PROM1: variants seen among roughly 807,000 people sequenced by gnomAD.
The protein encoded by PROM1 is prominin-1.
PROM1 carries 105 observed loss-of-function variants against 116.9 expected under a neutral mutation model. The ratio of observed to expected loss-of-function variants is 0.90; its 90% CI spans 0.77 to 1.06. PROM1 has a LOEUF of 1.06. PROM1 is among the 50% of genes least tolerant of loss of function. The pLI is 0.00. For synonymous variants in PROM1, 393 were observed against 387.0 expected (o/e 1.02, Z -0.18); for missense variants, 1,122 against 1,045.2 (o/e 1.07, Z -1.01).
At chr4:16,078,930 G>C (rs548112129) in intron 1 of PROM1, among the ~76,000 whole-genome samples, 81 of 152,246 alleles carry the variant, frequency 5.3e-4, no homozygotes, top group Admixed American at 1.3e-3. Context: ...ATCATGGGCT[G>C]CTCAGATCCC....
intron 23 of PROM1, among the ~76,000 whole-genome samples, chr4:15,981,559 G>A (rs1259961638): frequency 1.4e-5 from 2 of 148,144 alleles, no homozygotes; most frequent in Non-Finnish European, 3.0e-5. Context: ...GCAACAGAAC[G>A]AGACTCTATC....
In PROM1 at chr4:16,074,718, T is replaced by A. The variant is rs142762206; in HGVS notation, c.220+969A>T. Among the ~76,000 whole-genome samples the A allele has an allele frequency of 2.4e-3, 365 of 152,330 alleles. 5 individuals carry two copies. In the East Asian group the frequency reaches 0.039, roughly 16 times the overall value. On this transcript the variant is annotated intron_variant, in intron 2 of 27. Coordinates refer to ENST00000447510, the MANE Select transcript of PROM1 (RefSeq NM_006017.3). ...AAAAACCAATACAAATGTATTTTAA[T>A]GAAAATATATAAACTCCCCATAATA...
At chr4:16,043,916 G>A (rs987292959) in intron 2 of PROM1, among the ~76,000 whole-genome samples, 3 of 152,182 alleles carry the variant, frequency 2.0e-5, no homozygotes, top group Non-Finnish European at 4.4e-5. Flanking sequence ...ATGAGTTCTG[G>A]AACTCAGGGC....
chr4:16,016,262 T>C (rs139736530), intron 9 of PROM1, 22 bp from the exon 10 acceptor site: 34 of 1,535,936 alleles, frequency 2.2e-5, no homozygotes, highest in Non-Finnish European at 2.7e-5. Context: ...TAAAACAAAA[T>C]ATAAGACAAG....
chr4:15,993,032 C>T (rs1721455591), intron 16 of PROM1, among the ~76,000 whole-genome samples: 1 of 152,192 alleles, frequency 6.6e-6, no homozygotes, highest in African/African-American at 2.4e-5. Flanking sequence ...TGACCCACAG[C>T]ACGACGGGCA....
At chr4:15,996,372 T>G (rs150115115) in intron 15 of PROM1, among the ~76,000 whole-genome samples, 2,808 of 152,190 alleles carry the variant, frequency 0.018, 85 homozygotes, top group African/African-American at 0.064. Context: ...TAGCCAGGCG[T>G]GGTGACAGAC....
chr4:16,012,895 C>A (rs866717084), intron 11 of PROM1, among the ~76,000 whole-genome samples: 3,775 of 130,148 alleles, frequency 0.029, 195 homozygotes, highest in African/African-American at 0.096. Context: ...AAAAAAACAA[C>A]AAACTTTGAT....
At chr4:16,057,098 T>C (rs984181835) in intron 2 of PROM1, among the ~76,000 whole-genome samples, 4 of 152,270 alleles carry the variant, frequency 2.6e-5, no homozygotes, top group Non-Finnish European at 5.9e-5. Context: ...CTCAGTTTTA[T>C]TTCTATGCAC....
intron 12 of PROM1, among the ~76,000 whole-genome samples, chr4:16,007,865 C>T (rs1390145081): frequency 6.6e-6 from 1 of 152,164 alleles, no homozygotes; most frequent in Non-Finnish European, 1.5e-5. Flanking sequence ...ATGGCAGGTG[C>T]TCCCTGGAGC....
Position 16,025,056 on chromosome 4 carries a change from G to A in PROM1, c.630+136C>T, listed in dbSNP as rs892309104. The A allele has an allele frequency of 9.2e-6, 10 of 1,091,998 alleles. No homozygotes were observed. In the African/African-American group the frequency reaches 1.1e-4, roughly 12 times the overall value. The allele number at this position is 1,091,998 out of a possible 1,614,324, so 67.6% of individuals were successfully genotyped here. A position where few individuals can be genotyped will look rare whatever the true frequency, so the allele number is the denominator to read the frequency against. ...TCCAGGGCTTTATTTATTCATCCAG[G>A]ACATTAACAGATAACACCAGTCTAC... is the stretch of plus-strand genomic sequence containing the variant. On this transcript the variant is annotated intron_variant, in intron 6 of 27. Coordinates refer to ENST00000447510, the MANE Select transcript of PROM1 (RefSeq NM_006017.3).
intron 2 of PROM1, among the ~76,000 whole-genome samples, chr4:16,050,210 G>A (rs1013249055): frequency 3.5e-4 from 53 of 151,342 alleles, no homozygotes; most frequent in Admixed American, 6.6e-4. Flanking sequence ...GCAGTGAGCC[G>A]AGATCATGCC....
At chr4:16,045,080 C>A (rs554842972) in intron 2 of PROM1, among the ~76,000 whole-genome samples, 1 of 152,128 alleles carries the variant, frequency 6.6e-6, no homozygotes, top group East Asian at 1.9e-4. Flanking sequence ...GCCTTCAACA[C>A]TCCACTCTTC....
intron 1 of PROM1, chr4:16,080,078 G>GCTACTC (rs1744743287): frequency 6.8e-6 from 1 of 147,904 alleles, no homozygotes; most frequent in Non-Finnish European, 1.5e-5. Flanking sequence ...TGTAGTCCCA[G>GCTACTC]CTACTCGGAA....
intron 2 of PROM1, among the ~76,000 whole-genome samples, chr4:16,049,144 G>A (rs753278214): frequency 6.6e-6 from 1 of 152,196 alleles, no homozygotes; most frequent in Non-Finnish European, 1.5e-5. Flanking sequence ...GGATTCCGAC[G>A]GCATTTCTTT....
At chr4:16,037,294 TG>T (rs2149400456) in intron 3 of PROM1, among the ~76,000 whole-genome samples, 1 of 152,278 alleles carries the variant, frequency 6.6e-6, no homozygotes, top group African/African-American at 2.4e-5. Flanking sequence ...ACAATCACAT[TG>T]GGAGATATAA....
intron 3 of PROM1, among the ~76,000 whole-genome samples, chr4:16,038,505 C>A (rs907488469): frequency 3.9e-5 from 6 of 152,122 alleles, no homozygotes; most frequent in Non-Finnish European, 4.4e-5. Context: ...TGGGTTCAAG[C>A]GATTCTCCTG....
At chr4:16,060,124 G>A (rs561234069) in intron 2 of PROM1, among the ~76,000 whole-genome samples, 1 of 152,250 alleles carries the variant, frequency 6.6e-6, no homozygotes, top group Non-Finnish European at 1.5e-5. Context: ...GAGGCGGGGG[G>A]CTGAGAATCA....
Position 16,075,961 on chromosome 4 carries a change from C to A in PROM1, c.-55G>T. On this transcript the variant is annotated 5_prime_UTR_variant, in exon 2 of 28. Transcript: ENST00000447510. Reference sequence around the variant, plus strand: ...GAACTTGGTGCCTCCTGCCTCAGAGCTTCTGGAAGCCTTGGGGAAGGCAAG... The same window carrying A: ...GAACTTGGTGCCTCCTGCCTCAGAGATTCTGGAAGCCTTGGGGAAGGCAAG... The A allele has an allele frequency of 1.3e-6, 2 of 1,514,148 alleles. No homozygotes were observed. The highest frequency in any genetic ancestry group is 8.9e-7 in the Non-Finnish European group (1 of 1,128,904). 93.8% of individuals were successfully genotyped at this position (1,514,148 alleles called of 1,614,324 possible).
intron 15 of PROM1, among the ~76,000 whole-genome samples, 178 bp from the exon 16 acceptor site, chr4:15,994,249 C>T (rs903400468): frequency 1.9e-4 from 29 of 152,218 alleles, no homozygotes; most frequent in Non-Finnish European, 4.0e-4. Context: ...CTTCTGACTT[C>T]TTGCCTTGCT....
Sources: allele counts gnomAD v4.1 joint callset (sites outside exome capture counted in the v4.1 genomes callset), GRCh38; gene constraint gnomAD v4.1.1; transcripts MANE v1.5; gene names NCBI Gene and HGNC (gene_info 2026-07-23, HGNC 2026-07-21).